Variants in AP2B1 observed in about 807,000 individuals in gnomAD.
AP2B1 encodes the protein adaptor related protein complex 2 subunit beta 1, also known as AP-2 complex subunit beta.
In AP2B1, 23 loss-of-function variants were observed where a neutral mutation model predicts 102.0. The ratio of observed to expected loss-of-function variants is 0.23; its 90% CI spans 0.16 to 0.32. The LOEUF is 0.32. AP2B1 is among the 10% of genes least tolerant of loss of function. AP2B1 has a pLI of 1.00. For synonymous variants in AP2B1, 381 were observed against 421.2 expected, an observed-to-expected ratio of 0.90 and a Z score of 1.17; for missense variants, 541 against 1,157.4, an observed-to-expected ratio of 0.47 and a Z score of 7.73.
intron 5 of AP2B1, among the ~76,000 whole-genome samples, chr17:35,612,438 A>G (rs2073891014): frequency 6.6e-6 from 1 of 152,222 alleles, no homozygotes; most frequent in South Asian, 2.1e-4. Context: ...GCCAACACAC[A>G]TAGATACATA....
intron 14 of AP2B1, among the ~76,000 whole-genome samples, chr17:35,668,599 G>A (rs1359822776): frequency 6.6e-6 from 1 of 152,084 alleles, no homozygotes; most frequent in Non-Finnish European, 1.5e-5. Context: ...TTTTTATGAA[G>A]GGGAAATTAA....
intron 16 of AP2B1, among the ~76,000 whole-genome samples, chr17:35,673,953 G>C (rs1441373192): frequency 6.6e-6 from 1 of 152,128 alleles, no homozygotes; most frequent in African/African-American, 2.4e-5. Context: ...TTATTATTTG[G>C]TTCTTAAATA....
Position 35,663,696 on chromosome 17 carries a change from A to T in AP2B1, c.1989+5905A>T, listed in dbSNP as rs139288509. Among the ~76,000 whole-genome samples the T allele has an allele frequency of 2.0e-3, 308 of 152,334 alleles. 3 individuals carry two copies. The highest frequency in any genetic ancestry group is 1.6e-3 in the Non-Finnish European group (106 of 68,032). ...GGTAAATAATGTAAACAGAATATAC[A>T]CTGGTGTGTTACCACTTAGAATGTA... On this transcript the variant is annotated intron_variant, in intron 14 of 21. Coordinates refer to ENST00000610402, the MANE Select transcript of AP2B1 (RefSeq NM_001030006.2).
rs587705842 is a variant in AP2B1, at chr17:35,693,524, G to A, written c.2454+10700G>A. Among the ~76,000 whole-genome samples the A allele has an allele frequency of 4.6e-5, 7 of 152,136 alleles. No individual in the cohort carries two copies. In the South Asian group the frequency reaches 1.3e-3, roughly 27 times the overall value. ...AAGGAAAGCCTAAGTTTATGGAAAGGCATTTATATAATGTCAGTTTTATTG... is the reference window on the plus strand; with the variant it reads ...AAGGAAAGCCTAAGTTTATGGAAAGACATTTATATAATGTCAGTTTTATTG... On this transcript the variant is annotated intron_variant, in intron 18 of 21. Coordinates refer to ENST00000610402, the MANE Select transcript of AP2B1 (RefSeq NM_001030006.2).
In AP2B1 at chr17:35,626,862, T is replaced by G; in HGVS notation, c.938+20T>G. ...GAAAAGGTTGGGAAATAGCGAAGTG[T>G]TGATTAAAGTGTTTGTAATTTTGCA... On this transcript the variant is annotated intron_variant, in intron 7 of 21. Transcript: ENST00000610402. 5 of 1,602,058 alleles carry G rather than the reference T, an allele frequency of 3.1e-6. No homozygotes were observed. The highest frequency in any genetic ancestry group is 4.3e-6 in the Non-Finnish European group (5 of 1,169,500).
At chr17:35,607,248 T>C (rs2073711761) in intron 4 of AP2B1, among the ~76,000 whole-genome samples, 2 of 152,196 alleles carry the variant, frequency 1.3e-5, no homozygotes, top group African/African-American at 4.8e-5. Context: ...TGGAACTTAG[T>C]GTACATTTAA....
chr17:35,682,831 G>T lies in AP2B1; in HGVS notation c.2454+7G>T, dbSNP rs2075852635. ...ACCTCTGAATAACCTCCAGGTCAGA[G>T]ATTTACTTCACTCAGGTGGTACAAG... On this transcript the variant is annotated splice_region_variant and intron_variant, in intron 18 of 21. Transcript: ENST00000610402. 1 of 1,607,670 alleles carries T rather than the reference G, an allele frequency of 6.2e-7. No homozygotes were observed. Among genetic ancestry groups the T allele is most frequent in the African/African-American group, 1.3e-5 (1 of 74,730 alleles).
intron 17 of AP2B1, among the ~76,000 whole-genome samples, chr17:35,674,764 T>C (rs1366368861): frequency 6.6e-6 from 1 of 152,246 alleles, no homozygotes; most frequent in Non-Finnish European, 1.5e-5. Context: ...GCCCTGGCTC[T>C]TGCAAGCCTT....
intron 18 of AP2B1, among the ~76,000 whole-genome samples, chr17:35,699,606 C>A (rs2076204007): frequency 6.6e-6 from 1 of 152,210 alleles, no homozygotes; most frequent in African/African-American, 2.4e-5. Context: ...GGAATTAGCA[C>A]TGGAAGGAAA....
intron 5 of AP2B1, among the ~76,000 whole-genome samples, chr17:35,619,757 G>A (rs1221717340): frequency 2.0e-5 from 3 of 152,204 alleles, no homozygotes; most frequent in African/African-American, 4.8e-5. Flanking sequence ...GAGGCAAGAT[G>A]AATAAAGGAT....
At position 35,639,575 on chromosome 17, in the gene AP2B1, A is replaced by G; in HGVS notation, c.1272-20A>G. ...TCTTAGTTTTGCCCTCAATAACCATAGTTCATTTTTTTTCATCAGGTATGA... is the reference window on the plus strand; with the variant it reads ...TCTTAGTTTTGCCCTCAATAACCATGGTTCATTTTTTTTCATCAGGTATGA... On this transcript the variant is annotated intron_variant, in intron 10 of 21. Coordinates refer to ENST00000610402, the MANE Select transcript of AP2B1 (RefSeq NM_001030006.2). The G allele has an allele frequency of 1.3e-6, 2 of 1,595,322 alleles. No homozygotes were observed. Among genetic ancestry groups the G allele is most frequent in the African/African-American group, 2.7e-5 (2 of 74,246 alleles).
At chr17:35,680,694 T>TTTTG (rs2075802236) in intron 17 of AP2B1, among the ~76,000 whole-genome samples, 1 of 46,894 alleles carries the variant, frequency 2.1e-5, no homozygotes. Context: ...TGGTTTTTTT[T>TTTTG]TTTTTGTTTT....
At chr17:35,638,069 G>A (rs1460250771) in intron 10 of AP2B1, among the ~76,000 whole-genome samples, 2 of 152,048 alleles carry the variant, frequency 1.3e-5, no homozygotes, top group Non-Finnish European at 2.9e-5. Flanking sequence ...CATACTCCTG[G>A]GCTTAAGTGA....
intron 12 of AP2B1, among the ~76,000 whole-genome samples, chr17:35,647,777 A>G (rs1236459156): frequency 6.6e-6 from 1 of 152,214 alleles, no homozygotes; most frequent in South Asian, 2.1e-4. Context: ...AAGTGGCTAA[A>G]TCGTGAATCA....
chr17:35,642,706 T>C (rs146342950), intron 12 of AP2B1, among the ~76,000 whole-genome samples: 63 of 152,302 alleles, frequency 4.1e-4, no homozygotes, highest in African/African-American at 1.4e-3. Context: ...GATTCAGATA[T>C]CCAGTTTACC....
intron 5 of AP2B1, among the ~76,000 whole-genome samples, chr17:35,612,201 C>T (rs944063731): frequency 1.3e-5 from 2 of 152,106 alleles, no homozygotes; most frequent in African/African-American, 2.4e-5. Context: ...TTTGACTTAG[C>T]CTAAAGAGGT....
At position 35,614,614 on chromosome 17, in the gene AP2B1, T is replaced by C. The variant is rs138843460; in HGVS notation, c.525+6227T>C. ...TGCCCATGAGAATACCTGTGCTTCA[T>C]TGTTCTGTCCTCTCTGCAAAATTGC... is the stretch of plus-strand genomic sequence containing the variant. On this transcript the variant is annotated intron_variant, in intron 5 of 21. Transcript: ENST00000610402. 6.0e-5 allele frequency among the ~76,000 whole-genome samples: 9 copies of C among 149,502 alleles called. No homozygotes were observed. In the South Asian group the frequency reaches 1.7e-3, roughly 28 times the overall value.
chr17:35,593,246 G>A (rs1246899702), intron 1 of AP2B1, among the ~76,000 whole-genome samples: 2 of 152,080 alleles, frequency 1.3e-5, no homozygotes. Flanking sequence ...ACAAAAGGGT[G>A]ACTGCGGTCA....
chr17:35,670,593 A>G (rs910038267), intron 14 of AP2B1, among the ~76,000 whole-genome samples: 6 of 152,194 alleles, frequency 3.9e-5, no homozygotes, highest in Non-Finnish European at 7.3e-5. Context: ...CAGTGCAAAG[A>G]TTGGATCTGA....
Sources: gnomAD v4.1 joint callset for allele counts (sites outside exome capture counted in the v4.1 genomes callset) on GRCh38, gnomAD v4.1.1 for gene constraint, MANE v1.5 for transcripts, NCBI Gene and HGNC (gene_info 2026-07-23, HGNC 2026-07-21) for gene names.